Variants in HK1 observed in about 807,000 individuals in gnomAD.
The protein encoded by HK1 is hexokinase 1.
A neutral mutation model predicts 91.6 loss-of-function variants in HK1; 28 were observed. The observed-to-expected ratio is 0.31, with a 90% CI of 0.23 to 0.42. HK1 has a LOEUF of 0.42. HK1 is among the 10% of genes least tolerant of loss of function. The pLI, the probability that HK1 is intolerant of heterozygous loss-of-function variation, is 1.00. For missense variants in HK1, 770 were observed against 1,219.8 expected (o/e 0.63, Z 5.49); for synonymous variants, 430 against 468.1 (o/e 0.92, Z 1.05).
In HK1 at chr10:69,382,467, GT is replaced by G. The variant is rs763115545; in HGVS notation, c.1266-19del. On this transcript the variant is annotated intron_variant, in intron 9 of 17. Transcript: ENST00000359426. Reference sequence around the variant, plus strand: ...ATGCTCAGTCCAGCTGTTGTGGAATGTCCCCCCTGCCCCCATAAGGTATTCC... The same window carrying G: ...ATGCTCAGTCCAGCTGTTGTGGAATGCCCCCCTGCCCCCATAAGGTATTCC... 6.2e-7 allele frequency: 1 copy of G among 1,613,800 alleles called. No individual in the cohort carries two copies. Among genetic ancestry groups the G allele is most frequent in the Non-Finnish European group, 8.5e-7 (1 of 1,179,680 alleles).
At chr10:69,313,501 G>T (rs10998709), upstream of HK1, among the ~76,000 whole-genome samples, 136,919 of 152,190 alleles carry the variant, frequency 0.9, 61,762 homozygotes, top group East Asian at 0.99. Context: ...TCGCTTTTGT[G>T]GCCCAGACTG....
chr10:69,352,116 C>A (rs1215786859), intron 2 of HK1, among the ~76,000 whole-genome samples: 1 of 152,020 alleles, frequency 6.6e-6, no homozygotes, highest in Admixed American at 6.6e-5. Flanking sequence ...CCTCAGCCTC[C>A]TGAGTAGCTG....
intron 7 of HK1, among the ~76,000 whole-genome samples, chr10:69,370,917 G>T (rs1434316459): frequency 6.6e-6 from 1 of 152,158 alleles, no homozygotes; most frequent in African/African-American, 2.4e-5. Context: ...CATGCTGCTA[G>T]CTCTCTCTGA....
At chr10:69,315,776 A>C, upstream of HK1, 1 of 685,522 alleles carries the variant, frequency 1.5e-6, no homozygotes, top group Admixed American at 2.0e-5. Flanking sequence ...AGTGTTACTT[A>C]TCTGAGGCCC....
chr10:69,327,609 G>A lies in HK1; in HGVS notation c.63+8599G>A, dbSNP rs115198540. Among the ~76,000 whole-genome samples the A allele has an allele frequency of 3.3e-3, 496 of 152,242 alleles. 3 individuals carry two copies. The highest frequency in any genetic ancestry group is 0.031 in the Middle Eastern group (9 of 294). ...GTACCTAGGGCTGAGATCACCAGGC[G>A]GAGAGATGTGTGCGTTTTCCCATAT... On this transcript the variant is annotated intron_variant, in intron 1 of 17. Coordinates refer to ENST00000359426, the MANE Select transcript of HK1 (RefSeq NM_000188.3).
At chr10:69,275,675 C>T (rs1040172520) in intron 1 of HK1, among the ~76,000 whole-genome samples, 29 of 152,188 alleles carry the variant, frequency 1.9e-4, no homozygotes, top group African/African-American at 7.0e-4. Context: ...TTGGATTTGT[C>T]CTGCAATTCA....
intron 13 of HK1, among the ~76,000 whole-genome samples, chr10:69,387,872 A>T (rs1023782294): frequency 2.0e-5 from 2 of 98,826 alleles, no homozygotes; most frequent in Non-Finnish European, 4.0e-5. Flanking sequence ...AGACTGTTTT[A>T]AATTTTTTTT....
At chr10:69,342,811 G>A (rs1848360117) in intron 1 of HK1, among the ~76,000 whole-genome samples, 1 of 152,226 alleles carries the variant, frequency 6.6e-6, no homozygotes, top group Non-Finnish European at 1.5e-5. Context: ...CAGGGATAGT[G>A]CCATCAGGAC....
upstream of HK1, among the ~76,000 whole-genome samples, chr10:69,313,684 A>G (rs748643614): frequency 6.6e-6 from 1 of 151,896 alleles, no homozygotes; most frequent in Non-Finnish European, 1.5e-5. Context: ...TTTAGTAGAG[A>G]TGGGGTTTCT....
At chr10:69,290,702 G>C (rs376308328) in intron 3 of HK1, among the ~76,000 whole-genome samples, 60 of 152,250 alleles carry the variant, frequency 3.9e-4, no homozygotes, top group African/African-American at 1.4e-3. Flanking sequence ...GTTTCGCCAA[G>C]TTGGCCAGGC....
chr10:69,322,822 A>G, intron 1 of HK1, among the ~76,000 whole-genome samples: 1 of 151,688 alleles, frequency 6.6e-6, no homozygotes, highest in East Asian at 1.9e-4. Flanking sequence ...CCTGGAAGGC[A>G]GAGGTTGCGG....
At chr10:69,320,586 C>T (rs1846959113) in intron 1 of HK1, among the ~76,000 whole-genome samples, 1 of 152,100 alleles carries the variant, frequency 6.6e-6, no homozygotes. Context: ...AGACAGTTCT[C>T]CCGGCATGGC....
At chr10:69,293,562 C>G (rs143373173) in intron 3 of HK1, among the ~76,000 whole-genome samples, 3 of 152,298 alleles carry the variant, frequency 2.0e-5, no homozygotes, top group Non-Finnish European at 4.4e-5. Flanking sequence ...AAACAATAAT[C>G]TCTTATTTAC....
chr10:69,292,155 T>G (rs140806412), intron 3 of HK1: 255 of 223,278 alleles, frequency 1.1e-3, no homozygotes, highest in African/African-American at 5.7e-3. Context: ...ACTGAAGCCT[T>G]GAACTCCTGA....
intron 17 of HK1, 67 bp from the exon 18 acceptor site, chr10:69,400,924 T>C: frequency 1.9e-6 from 3 of 1,556,156 alleles, no homozygotes; most frequent in Non-Finnish European, 2.7e-6. Context: ...TGTGCTTTGG[T>C]GTTTTCGGGT....
intron 2 of HK1, among the ~76,000 whole-genome samples, chr10:69,359,297 G>A (rs1849300317): frequency 6.6e-6 from 1 of 152,170 alleles, no homozygotes; most frequent in South Asian, 2.1e-4. Flanking sequence ...AAAAAGTTTT[G>A]AAAATAGTGG....
chr10:69,376,645 A>G (rs558092873), intron 7 of HK1, among the ~76,000 whole-genome samples: 1 of 152,326 alleles, frequency 6.6e-6, no homozygotes, highest in Non-Finnish European at 1.5e-5. Context: ...ATCTAAATCC[A>G]AACGCTCCCC....
At chr10:69,276,674 T>C (rs938624771) in intron 1 of HK1, among the ~76,000 whole-genome samples, 9 of 151,334 alleles carry the variant, frequency 5.9e-5, no homozygotes, top group African/African-American at 2.2e-4. Context: ...AAAATTAATA[T>C]CTTAATTTTA....
chr10:69,310,269 A>G (rs946719661), intron 5 of HK1, among the ~76,000 whole-genome samples: 2 of 150,914 alleles, frequency 1.3e-5, no homozygotes, highest in Non-Finnish European at 3.0e-5. Context: ...AAAAACACAA[A>G]AATTAGCCGG....
Sources: allele counts gnomAD v4.1 joint callset (sites outside exome capture counted in the v4.1 genomes callset), GRCh38; gene constraint gnomAD v4.1.1; transcripts MANE v1.5; gene names NCBI Gene and HGNC (gene_info 2026-07-23, HGNC 2026-07-21).